Variants in RPS10 observed in about 807,000 individuals in gnomAD.
The protein encoded by RPS10 is small ribosomal subunit protein eS10.
In RPS10, 2 loss-of-function variants were observed where a neutral mutation model predicts 22.6. That is an observed-to-expected ratio of 0.09 (90% CI 0.04 to 0.28). The LOEUF is 0.28. Among genes scored for constraint, RPS10 ranks in the 10% least tolerant of loss-of-function variants. The pLI, the probability that RPS10 is intolerant of heterozygous loss-of-function variation, is 1.00. For synonymous variants in RPS10, 70 were observed against 75.9 expected (o/e 0.92, Z 0.40); for missense variants, 137 against 222.2 (o/e 0.62, Z 2.44).
At chr6:34,419,505 T>C (rs551895952) in intron 4 of RPS10, among the ~76,000 whole-genome samples, 5 of 152,338 alleles carry the variant, frequency 3.3e-5, no homozygotes, top group Admixed American at 3.3e-4. Flanking sequence ...AATATTTCAC[T>C]ACTCTTTATA....
At chr6:34,419,237 G>T (rs192018768) in intron 4 of RPS10, among the ~76,000 whole-genome samples, 196 of 152,056 alleles carry the variant, frequency 1.3e-3, no homozygotes, top group African/African-American at 4.4e-3. Flanking sequence ...GTTTCTCCAG[G>T]CTGGTCTCAA....
chr6:34,421,893 T>C, intron 3 of RPS10, 86 bp from the exon 4 acceptor site: 1 of 1,473,564 alleles, frequency 6.8e-7, no homozygotes, highest in East Asian at 2.3e-5. Context: ...TGCTCTCCTG[T>C]TGTCACTCTC....
intron 3 of RPS10, 72 bp downstream of exon 3, chr6:34,424,597 A>G: frequency 6.3e-7 from 1 of 1,590,648 alleles, no homozygotes; most frequent in Non-Finnish European, 8.6e-7. Flanking sequence ...GACATCAGCT[A>G]AGAATGCTTT....
intron 4 of RPS10, among the ~76,000 whole-genome samples, chr6:34,418,697 T>G (rs149556277): frequency 5.9e-4 from 90 of 152,176 alleles, no homozygotes; most frequent in African/African-American, 2.1e-3. Flanking sequence ...ACTGACTGAC[T>G]TACCCACTTC....
At chr6:34,424,574 G>A in intron 3 of RPS10, 95 bp downstream of exon 3, 1 of 1,524,668 alleles carries the variant, frequency 6.6e-7, no homozygotes, top group Non-Finnish European at 8.9e-7. Flanking sequence ...GCAGGCCAGA[G>A]CCCTCTAAAG....
intron 4 of RPS10, among the ~76,000 whole-genome samples, chr6:34,419,315 C>T (rs897502478): frequency 1.3e-5 from 2 of 151,888 alleles, no homozygotes; most frequent in Admixed American, 6.6e-5. Flanking sequence ...CATGAGCCAC[C>T]GCACCCAGCC....
intron 2 of RPS10, 22 bp downstream of exon 2, chr6:34,425,050 A>G: frequency 1.2e-6 from 2 of 1,611,950 alleles, no homozygotes; most frequent in Middle Eastern, 2.2e-4. Context: ...GATCCATCCC[A>G]TCTTCCTCCT....
chr6:34,424,885 G>C, intron 2 of RPS10, 45 bp from the exon 3 acceptor site: 2 of 1,612,930 alleles, frequency 1.2e-6, no homozygotes, highest in Non-Finnish European at 1.7e-6. Flanking sequence ...TAGAAGCTTG[G>C]ATCATCCTAG....
chr6:34,421,708 T>G, intron 4 of RPS10, 22 bp downstream of exon 4: 1 of 1,613,082 alleles, frequency 6.2e-7, no homozygotes, highest in Non-Finnish European at 8.5e-7. Flanking sequence ...ACACCCCTAA[T>G]ATAGGTGATG....
chr6:34,419,278 G>A (rs577328418), intron 4 of RPS10, among the ~76,000 whole-genome samples: 11 of 152,004 alleles, frequency 7.2e-5, no homozygotes, highest in South Asian at 6.2e-4. Flanking sequence ...CGCCCACCTC[G>A]GCCTCCTGAA....
chr6:34,425,230 A>C lies in RPS10; in HGVS notation c.1-9T>G. The C allele has an allele frequency of 6.2e-7, 1 of 1,603,666 alleles. No homozygotes were observed. Among genetic ancestry groups the C allele is most frequent in the Non-Finnish European group, 8.5e-7 (1 of 1,175,196 alleles). Reference sequence around the variant, plus strand: ...TTCTTAGGCATCAACATCTGCAAGAAGGAGACGATTGTCAAGAGCACTTCT... The same window carrying C: ...TTCTTAGGCATCAACATCTGCAAGACGGAGACGATTGTCAAGAGCACTTCT... On this transcript the variant is annotated splice_polypyrimidine_tract_variant and intron_variant, in intron 1 of 5. Transcript: ENST00000648437.
intron 1 of RPS10, chr6:34,425,610 G>A (rs1765932477): frequency 6.9e-6 from 2 of 290,718 alleles, no homozygotes; most frequent in Admixed American, 8.9e-5. Flanking sequence ...AGGCCCGGAG[G>A]GGTAAAGCCC....
chr6:34,425,030 C>CG (rs1354814905), intron 2 of RPS10, 42 bp downstream of exon 2: 17 of 1,611,118 alleles, frequency 1.1e-5, no homozygotes, highest in South Asian at 7.7e-5. Context: ...GATGGGATCC[C>CG]GGGGAGGAAG....
chr6:34,417,947 T>C (rs1455636368), intron 5 of RPS10: 7 of 718,782 alleles, frequency 9.7e-6, no homozygotes, highest in Non-Finnish European at 1.8e-5. Context: ...GATTAACTAA[T>C]CTCACAACTA....
rs34411335 is a variant in RPS10, at chr6:34,422,019, G to GA, written c.323-213dup. ...TATTGACAATCTTGGCTGCAAATCT[G>GA]AAAAAAAAAAAAAAGGCTTCCATTT... On this transcript the variant is annotated intron_variant, in intron 3 of 5. Transcript: ENST00000648437. Among the ~76,000 whole-genome samples, 1,175 of 129,178 alleles carry GA rather than the reference G, an allele frequency of 9.1e-3. 13 individuals are homozygous for GA. The highest frequency in any genetic ancestry group is 0.05 in the East Asian group (239 of 4,816). 84.7% of individuals were successfully genotyped at this position (129,178 alleles called of 152,430 possible).
intron 5 of RPS10, chr6:34,417,764 TA>T (rs2113794295): frequency 1.4e-6 from 1 of 718,116 alleles, no homozygotes; most frequent in African/African-American, 1.7e-5. Context: ...AAAGTGGGAG[TA>T]TGGCCACCCA....
At chr6:34,417,681 G>A in intron 5 of RPS10, 134 bp from the exon 6 acceptor site, 1 of 821,068 alleles carries the variant, frequency 1.2e-6, no homozygotes, top group South Asian at 1.4e-5. Context: ...CTGAGTACAG[G>A]CTATAAATCC....
intron 5 of RPS10, chr6:34,417,988 A>T: frequency 1.4e-6 from 1 of 700,134 alleles, no homozygotes; most frequent in Non-Finnish European, 2.6e-6. Context: ...ACCTTATTTT[A>T]TAGATGGAGA....
chr6:34,420,167 A>C (rs548974970), intron 4 of RPS10, among the ~76,000 whole-genome samples: 2 of 152,182 alleles, frequency 1.3e-5, no homozygotes, highest in African/African-American at 4.8e-5. Context: ...CACATTGGGT[A>C]CAAGAATAGG....
Sources: allele counts gnomAD v4.1 joint callset (sites outside exome capture counted in the v4.1 genomes callset), GRCh38; gene constraint gnomAD v4.1.1; transcripts MANE v1.5; gene names NCBI Gene and HGNC (gene_info 2026-07-23, HGNC 2026-07-21).